The following KALRN variants were observed in gnomAD, a reference collection of about 807,000 sequenced individuals.
KALRN encodes the protein kalirin.
Under a neutral mutation model 353.7 loss-of-function variants are expected in KALRN, and 70 were observed. The observed-to-expected ratio is 0.20, with a 90% confidence interval of 0.16 to 0.24. The LOEUF is 0.24. Among genes scored for constraint, KALRN ranks in the 10% least tolerant of loss-of-function variants. KALRN has a pLI of 1.00. For synonymous variants in KALRN, 1,391 were observed against 1,434.8 expected, an observed-to-expected ratio of 0.97 and a Z score of 0.69; for missense variants, 2,791 against 3,756.7, an observed-to-expected ratio of 0.74 and a Z score of 6.72.
intron 1 of KALRN, among the ~76,000 whole-genome samples, chr3:124,112,327 C>T (rs1308077215): frequency 6.6e-6 from 1 of 150,612 alleles, no homozygotes; most frequent in Non-Finnish European, 1.5e-5. Flanking sequence ...AAAAAGAATC[C>T]TCCAAAAACT....
At chr3:124,549,600 A>G (rs749619033) in intron 33 of KALRN, among the ~76,000 whole-genome samples, 8 of 152,158 alleles carry the variant, frequency 5.3e-5, no homozygotes, top group Non-Finnish European at 1.0e-4. Context: ...TATATACACA[A>G]AAGTTTTATA....
intron 11 of KALRN, among the ~76,000 whole-genome samples, chr3:124,392,021 G>T (rs1380195180): frequency 6.6e-6 from 1 of 152,160 alleles, no homozygotes; most frequent in Non-Finnish European, 1.5e-5. Flanking sequence ...GGGAACTGGA[G>T]ATGGCTTGCA....
chr3:124,583,540 CGTAA>C lies in KALRN; in HGVS notation c.5182+20457_5182+20460del, dbSNP rs529634462. Among the ~76,000 whole-genome samples, 8 of 152,232 alleles carry C rather than the reference CGTAA, an allele frequency of 5.3e-5. No individual in the cohort carries two copies. The South Asian group carries it at 1.0e-3, about 20-fold the overall frequency. On this transcript the variant is annotated intron_variant, in intron 34 of 59. Coordinates refer to ENST00000682506, the MANE Select transcript of KALRN (RefSeq NM_001388419.1). Reference sequence around the variant, plus strand: ...GGGATGGTGAATGGAAGTCTTGCACCGTAAGTAAGATGTTCGAAGTTTCTCTGTA... The same window carrying C: ...GGGATGGTGAATGGAAGTCTTGCACCGTAAGATGTTCGAAGTTTCTCTGTA...
chr3:124,165,830 T>A (rs1380995623), intron 1 of KALRN, among the ~76,000 whole-genome samples: 1 of 152,222 alleles, frequency 6.6e-6, no homozygotes, highest in Non-Finnish European at 1.5e-5. Flanking sequence ...TACCTCGGCC[T>A]GTAAGGCCTC....
At chr3:124,675,876 C>A (rs1220966644) in intron 49 of KALRN, among the ~76,000 whole-genome samples, 1 of 152,174 alleles carries the variant, frequency 6.6e-6, no homozygotes, top group African/African-American at 2.4e-5. Context: ...ACCAGCATAA[C>A]TGCACTGCTT....
intron 1 of KALRN, among the ~76,000 whole-genome samples, chr3:124,149,190 AACTG>A (rs1487031919): frequency 6.6e-6 from 1 of 152,194 alleles, no homozygotes; most frequent in Admixed American, 6.5e-5. Context: ...GCAGAATCCA[AACTG>A]ACTATGTTCA....
chr3:124,476,081 G>T (rs974747287), intron 26 of KALRN, among the ~76,000 whole-genome samples: 1 of 151,742 alleles, frequency 6.6e-6, no homozygotes, highest in South Asian at 2.1e-4. Flanking sequence ...TCCAAAAACT[G>T]GTTTCAGAAA....
chr3:124,101,716 A>G (rs72971000), intron 1 of KALRN, among the ~76,000 whole-genome samples: 163 of 152,050 alleles, frequency 1.1e-3, no homozygotes, highest in African/African-American at 3.7e-3. Context: ...CTCATCTTCT[A>G]TGTCTGACAG....
At chr3:124,469,447 T>C (rs1181250563) in intron 25 of KALRN, among the ~76,000 whole-genome samples, 5 of 152,318 alleles carry the variant, frequency 3.3e-5, no homozygotes, top group African/African-American at 9.6e-5. Flanking sequence ...CTCCATTAGT[T>C]TAATACCTGC....
chr3:124,705,427 G>C (rs1375725801), intron 57 of KALRN, among the ~76,000 whole-genome samples: 1 of 152,112 alleles, frequency 6.6e-6, no homozygotes, highest in African/African-American at 2.4e-5. Flanking sequence ...ATGAAAGAAT[G>C]ATAAATGACC....
chr3:124,304,202 G>T (rs993185661), intron 6 of KALRN, among the ~76,000 whole-genome samples: 1 of 151,574 alleles, frequency 6.6e-6, no homozygotes, highest in African/African-American at 2.4e-5. Context: ...CACTGCCATA[G>T]CTGCAAAGTC....
chr3:124,312,194 C>T (rs892990062), intron 6 of KALRN, among the ~76,000 whole-genome samples: 2 of 152,052 alleles, frequency 1.3e-5, no homozygotes, highest in African/African-American at 4.8e-5. Flanking sequence ...GAATTTCACT[C>T]TTGTTGCCCA....
intron 25 of KALRN, among the ~76,000 whole-genome samples, chr3:124,470,735 A>G (rs2060804175): frequency 6.6e-6 from 1 of 151,964 alleles, no homozygotes; most frequent in Admixed American, 6.6e-5. Flanking sequence ...GCAATGTACA[A>G]CCAGGTGTGG....
At chr3:124,145,745 A>C (rs1250108708) in intron 1 of KALRN, among the ~76,000 whole-genome samples, 1 of 152,248 alleles carries the variant, frequency 6.6e-6, no homozygotes, top group Non-Finnish European at 1.5e-5. Flanking sequence ...GCCAGAAGCC[A>C]GCTTTTCTGA....
rs60493675 is a variant in KALRN at position 124,240,615 on chromosome 3, C to G, written c.263+5672C>G. On this transcript the variant is annotated intron_variant, in intron 3 of 59. Transcript: ENST00000682506. ...CTTGACCCCACTCTCTTCCCATTCT[C>G]TCATCTCCTGTCATCATTGACTGAA... Among the ~76,000 whole-genome samples, 6,785 of 152,218 alleles carry G rather than the reference C, an allele frequency of 0.045. 741 individuals carry two copies. The East Asian group carries it at 0.46, about 10-fold the overall frequency.
At chr3:124,424,296 T>A (rs968435972) in intron 15 of KALRN, among the ~76,000 whole-genome samples, 2 of 152,196 alleles carry the variant, frequency 1.3e-5, no homozygotes, top group African/African-American at 4.8e-5. Flanking sequence ...GCTGGAGCTT[T>A]TACCTTTTTT....
At chr3:124,515,374 TA>T (rs1261817969) in intron 33 of KALRN, among the ~76,000 whole-genome samples, 1 of 152,184 alleles carries the variant, frequency 6.6e-6, no homozygotes, top group Non-Finnish European at 1.5e-5. Context: ...CACTGTCCTA[TA>T]AAGTGGGTCT....
intron 59 of KALRN, 52 bp from the exon 60 acceptor site, chr3:124,718,873 A>C: frequency 6.5e-7 from 1 of 1,535,472 alleles, no homozygotes; most frequent in South Asian, 1.1e-5. Flanking sequence ...AGTAGTCAAA[A>C]TAGAGGCCTA....
intron 29 of KALRN, chr3:124,488,883 A>C (rs1427975376): frequency 6.6e-6 from 1 of 152,240 alleles, no homozygotes; most frequent in Non-Finnish European, 1.5e-5. Flanking sequence ...TGTCCTCTAG[A>C]AGGTTAGTAA....
Sources: allele counts gnomAD v4.1 joint callset (sites outside exome capture counted in the v4.1 genomes callset), GRCh38; gene constraint gnomAD v4.1.1; transcripts MANE v1.5; gene names NCBI Gene and HGNC (gene_info 2026-07-23, HGNC 2026-07-21).